Variants in MAGI1 observed in about 807,000 individuals in gnomAD.
MAGI1 encodes membrane associated guanylate kinase, WW and PDZ domain containing 1, also known as membrane-associated guanylate kinase, WW and PDZ domain-containing protein 1.
In MAGI1, 58 loss-of-function variants were observed where a neutral mutation model predicts 139.9. The observed-to-expected ratio is 0.41, with a 90% CI of 0.34 to 0.52. The LOEUF is 0.52. MAGI1 is among the 20% of genes least tolerant of loss of function. The pLI is 0.12. For missense variants in MAGI1, 1,874 were observed against 1,901.6 expected (o/e 0.99, Z 0.27); for synonymous variants, 812 against 737.9 (o/e 1.10, Z -1.63).
At chr3:65,547,291 G>C (rs145993215) in intron 2 of MAGI1, among the ~76,000 whole-genome samples, 5 of 152,300 alleles carry the variant, frequency 3.3e-5, no homozygotes, top group African/African-American at 1.2e-4. Context: ...AGAGCTGAAT[G>C]TCAGCGTAGA....
intron 12 of MAGI1, among the ~76,000 whole-genome samples, chr3:65,407,390 T>G (rs1323247278): frequency 2.0e-5 from 3 of 148,344 alleles, no homozygotes; most frequent in African/African-American, 7.5e-5. Context: ...GAGGCTGCAG[T>G]GAGCCAAGAT....
chr3:65,591,152 A>G (rs531401083), intron 2 of MAGI1, among the ~76,000 whole-genome samples: 1 of 152,264 alleles, frequency 6.6e-6, no homozygotes, highest in African/African-American at 2.4e-5. Context: ...GAACTCCACC[A>G]TCTACAACCA....
intron 1 of MAGI1, among the ~76,000 whole-genome samples, chr3:65,849,560 T>C (rs2059136695): frequency 6.6e-6 from 1 of 151,532 alleles, no homozygotes. Context: ...CACATATATA[T>C]ATCTCACTGG....
At chr3:65,720,698 C>A (rs555027297) in intron 1 of MAGI1, among the ~76,000 whole-genome samples, 2 of 152,044 alleles carry the variant, frequency 1.3e-5, no homozygotes, top group African/African-American at 4.8e-5. Flanking sequence ...ATCTCTCAGG[C>A]CTTCGCTCTG....
intron 14 of MAGI1, among the ~76,000 whole-genome samples, chr3:65,389,090 G>A (rs1269800524): frequency 1.3e-5 from 2 of 151,872 alleles, no homozygotes; most frequent in Non-Finnish European, 2.9e-5. Flanking sequence ...TGATCCGCCC[G>A]CCTCAGCCTC....
chr3:66,020,764 C>G (rs2067918006), intron 1 of MAGI1, among the ~76,000 whole-genome samples: 1 of 152,140 alleles, frequency 6.6e-6, no homozygotes, highest in South Asian at 2.1e-4. Flanking sequence ...AACACAGAGT[C>G]TCCCACCCTG....
rs1950411305 is a variant in MAGI1, at chr3:65,469,446, CATTATCTTAG to C, written c.959+827_959+836del. On this transcript the variant is annotated intron_variant, in intron 5 of 22. Transcript: ENST00000402939. ...TGACTACTGTTGGTTAGGAAAACCA[CATTATCTTAG>C]ATTTTCCAGAATGGTTTCAAATGTC... 6.6e-5 allele frequency among the ~76,000 whole-genome samples: 10 copies of C among 151,568 alleles called. No homozygotes were observed. The South Asian group carries it at 2.1e-3, about 32-fold the overall frequency.
At chr3:65,407,801 G>A (rs1945474064) in intron 12 of MAGI1, among the ~76,000 whole-genome samples, 1 of 152,256 alleles carries the variant, frequency 6.6e-6, no homozygotes, top group South Asian at 2.1e-4. Flanking sequence ...TACACATAAT[G>A]TGGCAATAAT....
chr3:65,532,301 C>A, intron 2 of MAGI1, among the ~76,000 whole-genome samples: 1 of 152,202 alleles, frequency 6.6e-6, no homozygotes, highest in East Asian at 1.9e-4. Flanking sequence ...TTGTTCTCTT[C>A]ACTAAGACAC....
chr3:65,821,758 G>A (rs1041779387), intron 1 of MAGI1, among the ~76,000 whole-genome samples: 1 of 152,140 alleles, frequency 6.6e-6, no homozygotes, highest in Non-Finnish European at 1.5e-5. Context: ...GGGATGCTTG[G>A]TTCCCCTAGG....
At chr3:65,919,425 G>A (rs1342242714) in intron 1 of MAGI1, among the ~76,000 whole-genome samples, 3 of 151,798 alleles carry the variant, frequency 2.0e-5, no homozygotes, top group Non-Finnish European at 4.4e-5. Context: ...TTGGCCAGGA[G>A]TGGCGCACGC....
chr3:65,533,514 G>A (rs2078813048), intron 2 of MAGI1, among the ~76,000 whole-genome samples: 1 of 152,094 alleles, frequency 6.6e-6, no homozygotes, highest in Admixed American at 6.6e-5. Flanking sequence ...ACAAAATATT[G>A]ACAACTTCCA....
intron 1 of MAGI1, among the ~76,000 whole-genome samples, chr3:65,830,853 TGAA>T (rs1010561151): frequency 6.6e-6 from 1 of 152,046 alleles, no homozygotes; most frequent in Admixed American, 6.6e-5. Flanking sequence ...CTAATACAAA[TGAA>T]AAGATTTATA....
intron 1 of MAGI1, among the ~76,000 whole-genome samples, chr3:65,887,072 AT>A (rs1342339346): frequency 6.6e-6 from 1 of 152,230 alleles, no homozygotes; most frequent in African/African-American, 2.4e-5. Context: ...CTGATTAAGA[AT>A]AGTCTAAGTT....
At chr3:65,478,845 GTGT>G (rs1267089370) in intron 3 of MAGI1, 47 bp from the exon 4 acceptor site, 2 of 1,443,402 alleles carry the variant, frequency 1.4e-6, no homozygotes, top group Admixed American at 3.5e-5. Flanking sequence ...GGAATACTTT[GTGT>G]TTTTTTTTAA....
chr3:65,617,799 T>G (rs2083453528), intron 2 of MAGI1, among the ~76,000 whole-genome samples: 1 of 152,204 alleles, frequency 6.6e-6, no homozygotes, highest in East Asian at 1.9e-4. Context: ...AAGAATATCT[T>G]TTTCCATTTC....
Position 65,923,257 on chromosome 3 carries a change from G to T in MAGI1, c.313+114739C>A, listed in dbSNP as rs546363627. On this transcript the variant is annotated intron_variant, in intron 1 of 22. Coordinates refer to ENST00000402939, the MANE Select transcript of MAGI1 (RefSeq NM_001033057.2). ...TTTTTTTTTTTTGAGATGGAGTCTC[G>T]CTCTGTCACCCAGGCTGGAGTGCAG... is the stretch of plus-strand genomic sequence containing the variant. Among the ~76,000 whole-genome samples the T allele has an allele frequency of 5.3e-3, 709 of 133,424 alleles. 3 individuals carry two copies. The highest frequency in any genetic ancestry group is 8.0e-3 in the Admixed American group (95 of 11,806). 87.5% of individuals were successfully genotyped at this position (133,424 alleles called of 152,430 possible).
intron 1 of MAGI1, among the ~76,000 whole-genome samples, chr3:65,623,875 C>T (rs901905741): frequency 6.6e-6 from 1 of 152,078 alleles, no homozygotes; most frequent in Non-Finnish European, 1.5e-5. Context: ...TATATTCAAA[C>T]CAATCTTAGG....
intron 1 of MAGI1, among the ~76,000 whole-genome samples, chr3:66,021,837 T>C (rs1410695015): frequency 6.6e-6 from 1 of 152,170 alleles, no homozygotes; most frequent in African/African-American, 2.4e-5. Context: ...CCCCGGTGAC[T>C]ATAACTTGAA....
Sources: gnomAD v4.1 joint callset for allele counts (sites outside exome capture counted in the v4.1 genomes callset) on GRCh38, gnomAD v4.1.1 for gene constraint, MANE v1.5 for transcripts, NCBI Gene and HGNC (gene_info 2026-07-23, HGNC 2026-07-21) for gene names.